The following UNKL variants were observed in gnomAD, a reference collection of about 807,000 sequenced individuals.
UNKL encodes putative E3 ubiquitin-protein ligase UNKL.
A neutral mutation model predicts 78.0 loss-of-function variants in UNKL; 60 were observed. The observed-to-expected ratio is 0.77, with a 90% CI of 0.63 to 0.95. The LOEUF (loss-of-function observed/expected upper bound fraction) is 0.95, where lower values mean the gene tolerates loss of function less well. Ranked by LOEUF, UNKL falls within the 40% of genes least tolerant of loss-of-function variation. UNKL has a pLI of 0.00. For missense variants in UNKL, 1,159 were observed against 1,045.7 expected (o/e 1.11, Z -1.49); for synonymous variants, 608 against 474.8 (o/e 1.28, Z -3.65).
At chr16:1,385,783 G>A (rs1217878055) in intron 9 of UNKL, among the ~76,000 whole-genome samples, 1 of 152,192 alleles carries the variant, frequency 6.6e-6, no homozygotes, top group African/African-American at 2.4e-5. Flanking sequence ...GGGTGCCCCC[G>A]CCCCGGCTCT....
At chr16:1,384,926 C>T (rs1194607331) in intron 10 of UNKL, among the ~76,000 whole-genome samples, 1 of 152,186 alleles carries the variant, frequency 6.6e-6, no homozygotes, top group Admixed American at 6.5e-5. Context: ...TCCCCGTTCT[C>T]AGTCCCTGAG....
intron 9 of UNKL, among the ~76,000 whole-genome samples, chr16:1,389,427 T>C (rs1178587567): frequency 6.6e-6 from 1 of 152,012 alleles, no homozygotes; most frequent in Non-Finnish European, 1.5e-5. Context: ...ATACAAAAAT[T>C]AGCCAAGCCT....
chr16:1,367,642 C>CA lies in UNKL; in HGVS notation c.1788+13_1788+14insT. On this transcript the variant is annotated intron_variant, in intron 13 of 14. Coordinates refer to ENST00000389221, the MANE Select transcript of UNKL (RefSeq NM_001372107.1). Reference sequence around the variant, plus strand: ...TCCCTCCCCCTCACCTGTCTGGCCCCCCCACACACTCACCTGCTTCACCTG... The same window carrying CA: ...TCCCTCCCCCTCACCTGTCTGGCCCCACCCACACACTCACCTGCTTCACCTG... 1 of 1,515,442 alleles carries CA rather than the reference C, an allele frequency of 6.6e-7. No individual in the cohort carries two copies. The highest frequency in any genetic ancestry group is 8.9e-7 in the Non-Finnish European group (1 of 1,128,410). 93.9% of individuals were successfully genotyped at this position (1,515,442 alleles called of 1,614,324 possible).
Position 1,403,459 on chromosome 16 carries a change from T to G in UNKL, c.288-115A>C. 8.0e-7 allele frequency: 1 copy of G among 1,250,570 alleles called. No homozygotes were observed. The highest frequency in any genetic ancestry group is 1.1e-6 in the Non-Finnish European group (1 of 911,678). The allele number at this position is 1,250,570 out of a possible 1,614,324, so 77.5% of individuals were successfully genotyped here. On this transcript the variant is annotated intron_variant, in intron 2 of 14. Transcript: ENST00000389221. The surrounding 1 kb of genome is among the most constrained non-coding windows in gnomAD (Gnocchi z 4.8). ...CAAGCAGTGAATTCCCTTCCCTTCTTCCAGATTCCTGTTCTAATCAGAAGG... is the reference window on the plus strand; with the variant it reads ...CAAGCAGTGAATTCCCTTCCCTTCTGCCAGATTCCTGTTCTAATCAGAAGG...
In UNKL at chr16:1,403,111, C is replaced by G; in HGVS notation, c.464+57G>C. 1.3e-6 allele frequency: 2 copies of G among 1,545,672 alleles called. 1 individual carries two copies. The highest frequency in any genetic ancestry group is 2.4e-5 in the South Asian group (2 of 83,932). On this transcript the variant is annotated intron_variant, in intron 3 of 14. Coordinates refer to ENST00000389221, the MANE Select transcript of UNKL (RefSeq NM_001372107.1). This position sits in a 1 kb window ranked among gnomAD's most constrained non-coding sequence, Gnocchi z 4.8. ...AGCCACTTGCCGAGTTCCTGCTCAT[C>G]CAGCAGAGCCCACAGCAGCAGGCAG...
chr16:1,407,929 G>C (rs894499068), intron 2 of UNKL, among the ~76,000 whole-genome samples: 1 of 152,032 alleles, frequency 6.6e-6, no homozygotes, highest in African/African-American at 2.4e-5. Flanking sequence ...CTAGAGGCTG[G>C]GCATGGTGCC....
chr16:1,389,222 C>G (rs887967351), intron 9 of UNKL, among the ~76,000 whole-genome samples: 1 of 152,138 alleles, frequency 6.6e-6, no homozygotes, highest in African/African-American at 2.4e-5. Context: ...CCCCAAATTC[C>G]TACGTGGAAG....
chr16:1,364,642 A>AG lies in UNKL; in HGVS notation c.*1597dup, dbSNP rs1491408484. On this transcript the variant is annotated 3_prime_UTR_variant, in exon 15 of 15. Coordinates refer to ENST00000389221, the MANE Select transcript of UNKL (RefSeq NM_001372107.1). Reference sequence around the variant, plus strand: ...CTGTCGCTCCAGGGGCAGACGGGACAGGGGACCACAGCAGAGCCGGGACCT... The same window carrying AG: ...CTGTCGCTCCAGGGGCAGACGGGACAGGGGGACCACAGCAGAGCCGGGACCT... 1 of 134,484 alleles carries AG rather than the reference A, an allele frequency of 7.4e-6. No individual in the cohort carries two copies. The highest frequency in any genetic ancestry group is 1.6e-5 in the Non-Finnish European group (1 of 63,874). The allele number at this position is 134,484 out of a possible 1,614,324, so 8.3% of individuals were successfully genotyped here. A position where few individuals can be genotyped will look rare whatever the true frequency, so the allele number is the denominator to read the frequency against.
intron 6 of UNKL, among the ~76,000 whole-genome samples, chr16:1,394,864 T>A (rs1447620005): frequency 6.6e-6 from 1 of 152,054 alleles, no homozygotes; most frequent in Non-Finnish European, 1.5e-5. Flanking sequence ...CCCGGTGGGG[T>A]CCCGTTTGCT....
chr16:1,401,500 G>A, intron 4 of UNKL, 68 bp downstream of exon 4: 1 of 1,417,806 alleles, frequency 7.1e-7, no homozygotes, highest in Non-Finnish European at 9.3e-7. Context: ...GGAACCAAGT[G>A]GCCCGAGCTG....
At chr16:1,374,523 G>A (rs1213839063) in intron 10 of UNKL, among the ~76,000 whole-genome samples, 3 of 152,134 alleles carry the variant, frequency 2.0e-5, no homozygotes, top group Non-Finnish European at 4.4e-5. Flanking sequence ...GTGGGGGTCG[G>A]CGCGCCGGGA....
rs1269835627 is a variant in UNKL, at chr16:1,385,349, C to A, written c.1123G>T (p.Ala375Ser). ...GCCACGCTGGAGCTCACGCTGGGGGCCGGCGGGTGGACCGCTGCAAACACG... is the reference window on the plus strand; with the variant it reads ...GCCACGCTGGAGCTCACGCTGGGGGACGGCGGGTGGACCGCTGCAAACACG... ...LAVFAAVHPP[A>S]PSVSSSVASS... Residue 375 changes from alanine (A) to serine (S), a missense_variant, in exon 10 of 15, where the codon GCC becomes TCC. Coordinates refer to ENST00000389221, the MANE Select transcript of UNKL (RefSeq NM_001372107.1). The A allele has an allele frequency of 1.4e-6, 2 of 1,416,852 alleles. No homozygotes were observed. The highest frequency in any genetic ancestry group is 3.0e-5 in the Admixed American group (1 of 33,208). The allele number at this position is 1,416,852 out of a possible 1,614,324, so 87.8% of individuals were successfully genotyped here.
chr16:1,402,900 G>A (rs1033538830), intron 3 of UNKL, among the ~76,000 whole-genome samples: 1 of 151,956 alleles, frequency 6.6e-6, no homozygotes, highest in African/African-American at 2.4e-5. Context: ...GCGGAGGCAG[G>A]AGAATGGTGT....
intron 10 of UNKL, among the ~76,000 whole-genome samples, chr16:1,382,110 C>T (rs2036626282): frequency 6.6e-6 from 1 of 152,212 alleles, no homozygotes; most frequent in African/African-American, 2.4e-5. Flanking sequence ...CATGTACGCC[C>T]TAGTTTCAAA....
chr16:1,384,069 C>T (rs983729104), intron 10 of UNKL: 1 of 190,148 alleles, frequency 5.3e-6, no homozygotes, highest in East Asian at 1.2e-4. Context: ...CTGAGTCCCT[C>T]ACTGTCACTG....
At position 1,403,888 on chromosome 16, in the gene UNKL, G is replaced by A. The variant is rs1391801259; in HGVS notation, c.288-544C>T. Among the ~76,000 whole-genome samples, 1 of 152,118 alleles carries A rather than the reference G, an allele frequency of 6.6e-6. No individual in the cohort carries two copies. Among genetic ancestry groups the A allele is most frequent in the African/African-American group, 2.4e-5 (1 of 41,414 alleles). On this transcript the variant is annotated intron_variant, in intron 2 of 14. Transcript: ENST00000389221. The surrounding 1 kb of genome is among the most constrained non-coding windows in gnomAD (Gnocchi z 4.8). ...GGGATGGGCAGAAGAGGCGGCAGAT[G>A]GCGTGGTGGGGAACACAGGTGAGGT...
intron 9 of UNKL, among the ~76,000 whole-genome samples, chr16:1,390,348 A>G (rs1213434278): frequency 6.6e-6 from 1 of 152,190 alleles, no homozygotes; most frequent in African/African-American, 2.4e-5. Context: ...AGTAACACAG[A>G]TGGGCTCCAA....
At chr16:1,410,648 G>T (rs1022879067) in intron 2 of UNKL, among the ~76,000 whole-genome samples, 7 of 152,192 alleles carry the variant, frequency 4.6e-5, no homozygotes, top group Admixed American at 3.9e-4. Flanking sequence ...GACAGGCTGG[G>T]TGCTCGTCTT....
rs774410822 is a variant in UNKL at position 1,366,352 on chromosome 16, T to A, written c.2090A>T (p.Glu697Val). ...LRAKQCVACRERAHGAVLRPC... is the reference protein window; with the variant it reads ...LRAKQCVACRVRAHGAVLRPC... ...CCGCAGGACAGCACCGTGGGCCCGC[T>A]CCCGGCAGGCCACACACTGCTTGGC... is the stretch of plus-strand genomic sequence containing the variant. The change falls in exon 15 of 15, where the codon GAG (glutamate) becomes GTG (valine). Residue 697 changes from glutamate to valine, a missense_variant. Glu to Val is a moderately radical substitution (Grantham distance 121). Coordinates refer to ENST00000389221, the MANE Select transcript of UNKL (RefSeq NM_001372107.1). 3.2e-5 allele frequency: 52 copies of A among 1,604,650 alleles called. 1 individual carries two copies. In the East Asian group the frequency reaches 1.1e-3, roughly 35 times the overall value.
Sources: allele counts gnomAD v4.1 joint callset (sites outside exome capture counted in the v4.1 genomes callset), GRCh38; gene constraint gnomAD v4.1.1; non-coding constraint Gnocchi (gnomAD v3.1); transcripts MANE v1.5; gene names NCBI Gene and HGNC (gene_info 2026-07-23, HGNC 2026-07-21).